Variants in TMTC2 observed in about 807,000 individuals in gnomAD.
TMTC2 encodes the protein protein O-mannosyl-transferase TMTC2.
A neutral mutation model predicts 82.4 loss-of-function variants in TMTC2; 43 were observed. That is an observed-to-expected ratio of 0.52 (90% confidence interval 0.41 to 0.67). TMTC2 has a LOEUF of 0.67. Ranked by LOEUF, TMTC2 falls within the 30% of genes least tolerant of loss-of-function variation. The pLI is 0.00. For missense variants in TMTC2, 919 were observed against 1,012.4 expected (o/e 0.91, Z 1.25); for synonymous variants, 408 against 381.9 (o/e 1.07, Z -0.80).
rs1435081690 is a variant in TMTC2 at position 82,896,473 on chromosome 12, TG to T, written c.1313del (p.Gly438ValfsTer17). On this transcript the variant is annotated frameshift_variant, in exon 3 of 12. Transcript: ENST00000321196. LOFTEE classifies it high-confidence loss of function. ...PSMGFCLLIT[V>X]GARALYVKVQ... ...ATGGGCTTCTGCCTACTGATTACAG[TG>T]GGTGCTAGAGCCCTTTATGTCAAAG... 1 of 1,614,086 alleles carries T rather than the reference TG, an allele frequency of 6.2e-7. No individual in the cohort carries two copies. Among genetic ancestry groups the T allele is most frequent in the African/African-American group, 1.3e-5 (1 of 74,922 alleles).
chr12:82,821,980 T>G (rs1199122472), intron 1 of TMTC2, among the ~76,000 whole-genome samples: 6 of 152,032 alleles, frequency 3.9e-5, no homozygotes, highest in Non-Finnish European at 7.3e-5. Flanking sequence ...GGAGTATTAT[T>G]CAGTGCTACA....
intron 11 of TMTC2, among the ~76,000 whole-genome samples, chr12:83,095,237 T>TG (rs370740795): frequency 2.8e-4 from 41 of 147,098 alleles, no homozygotes; most frequent in African/African-American, 1.0e-3. Flanking sequence ...TTTGTTTTTT[T>TG]TTTTGTTTTT....
intron 11 of TMTC2, among the ~76,000 whole-genome samples, chr12:83,081,085 C>T (rs1883449748): frequency 6.6e-6 from 1 of 152,130 alleles, no homozygotes; most frequent in African/African-American, 2.4e-5. Flanking sequence ...TTAATTGTTA[C>T]ATCATTTTTA....
At chr12:82,835,661 T>A (rs1250231737) in intron 1 of TMTC2, among the ~76,000 whole-genome samples, 1 of 152,206 alleles carries the variant, frequency 6.6e-6, no homozygotes. Context: ...GATTTTTATT[T>A]ACCTGATTAT....
At chr12:83,059,462 A>G (rs1014851899) in intron 10 of TMTC2, among the ~76,000 whole-genome samples, 1 of 151,784 alleles carries the variant, frequency 6.6e-6, no homozygotes, top group Non-Finnish European at 1.5e-5. Flanking sequence ...CCATAAACAC[A>G]TGCTGATTAG....
intron 10 of TMTC2, among the ~76,000 whole-genome samples, chr12:83,051,586 T>C (rs569351342): frequency 4.6e-5 from 7 of 152,272 alleles, no homozygotes; most frequent in African/African-American, 1.7e-4. Flanking sequence ...ATTATGTCAG[T>C]AAACTGCATC....
At chr12:82,955,951 G>A (rs536479496) in intron 4 of TMTC2, among the ~76,000 whole-genome samples, 6 of 151,812 alleles carry the variant, frequency 4.0e-5, no homozygotes, top group South Asian at 4.2e-4. Flanking sequence ...CCCCCAAAAG[G>A]CACTTTAAAT....
chr12:83,125,783 A>T (rs1317968403), intron 11 of TMTC2, among the ~76,000 whole-genome samples: 1 of 152,162 alleles, frequency 6.6e-6, no homozygotes, highest in Non-Finnish European at 1.5e-5. Context: ...TATTTTTGCA[A>T]CTTTCAATTC....
At chr12:82,888,806 A>G (rs1393431482) in intron 2 of TMTC2, among the ~76,000 whole-genome samples, 1 of 152,168 alleles carries the variant, frequency 6.6e-6, no homozygotes, top group Non-Finnish European at 1.5e-5. Flanking sequence ...GTGTTTTGAT[A>G]TTGTATATCC....
intron 1 of TMTC2, among the ~76,000 whole-genome samples, chr12:82,851,261 C>G (rs1031940322): frequency 6.6e-6 from 1 of 152,026 alleles, no homozygotes; most frequent in Non-Finnish European, 1.5e-5. Flanking sequence ...GAAACCCCAT[C>G]TCTACTAAAA....
intron 4 of TMTC2, among the ~76,000 whole-genome samples, chr12:82,960,444 C>A (rs1877867506): frequency 6.6e-6 from 1 of 152,016 alleles, no homozygotes; most frequent in African/African-American, 2.4e-5. Context: ...ACTACACAGC[C>A]ATAAAAAGTA....
At chr12:83,046,667 T>C (rs1882149278) in intron 9 of TMTC2, among the ~76,000 whole-genome samples, 1 of 152,174 alleles carries the variant, frequency 6.6e-6, no homozygotes, top group Admixed American at 6.6e-5. Flanking sequence ...GTCTCTGTCT[T>C]GATGGGCTTA....
intron 4 of TMTC2, among the ~76,000 whole-genome samples, chr12:82,934,635 G>A (rs1053282548): frequency 2.0e-5 from 3 of 152,042 alleles, no homozygotes; most frequent in African/African-American, 7.2e-5. Context: ...TCATTGATGG[G>A]CATTTGGGAT....
At chr12:82,723,709 A>C (rs1412975260) in intron 1 of TMTC2, among the ~76,000 whole-genome samples, 1 of 152,144 alleles carries the variant, frequency 6.6e-6, no homozygotes, top group East Asian at 1.9e-4. Flanking sequence ...TTTGGAGCAT[A>C]TTGGATTTTA....
At chr12:83,009,588 C>G (rs980486862) in intron 8 of TMTC2, among the ~76,000 whole-genome samples, 4 of 152,100 alleles carry the variant, frequency 2.6e-5, no homozygotes, top group South Asian at 4.1e-4. Context: ...CTAGTTCTTT[C>G]TTGTAAAAAT....
At chr12:82,889,927 A>G (rs777734892) in intron 2 of TMTC2, among the ~76,000 whole-genome samples, 12 of 151,832 alleles carry the variant, frequency 7.9e-5, no homozygotes, top group Middle Eastern at 3.4e-3. Context: ...AATGCTAAGT[A>G]TCCTTGTATT....
In TMTC2 at chr12:82,879,814, A is replaced by G. The variant is rs368347457; in HGVS notation, c.655-16004A>G. 3.0e-4 allele frequency among the ~76,000 whole-genome samples: 45 copies of G among 152,342 alleles called. 2 individuals carry two copies. The highest frequency in any genetic ancestry group is 1.1e-3 in the African/African-American group (44 of 41,588). ...TGTAAGACACTCTGTAAAATGTTTAATAAACATTCATAATTAGCGTTGCCA... is the reference window on the plus strand; with the variant it reads ...TGTAAGACACTCTGTAAAATGTTTAGTAAACATTCATAATTAGCGTTGCCA... On this transcript the variant is annotated intron_variant, in intron 2 of 11. Transcript: ENST00000321196.
In TMTC2 at chr12:82,842,504, G is replaced by T. The variant is rs137941687; in HGVS notation, c.84-14506G>T. On this transcript the variant is annotated intron_variant, in intron 1 of 11. Transcript: ENST00000321196. ...ACATAGTATATATTGTAGAAATATG[G>T]CTTGTACGTGAAATGTAGTTTTCCT... Among the ~76,000 whole-genome samples, 116 of 152,276 alleles carry T rather than the reference G, an allele frequency of 7.6e-4. 1 individual carries two copies. The highest frequency in any genetic ancestry group is 6.7e-3 in the Admixed American group (102 of 15,298).
At chr12:83,030,755 T>C in intron 8 of TMTC2, 43 bp from the exon 9 acceptor site, 2 of 1,467,674 alleles carry the variant, frequency 1.4e-6, no homozygotes, top group Non-Finnish European at 1.9e-6. Flanking sequence ...GAAGAATCCC[T>C]CATGATCTGT....
Sources: allele counts gnomAD v4.1 joint callset (sites outside exome capture counted in the v4.1 genomes callset), GRCh38; gene constraint gnomAD v4.1.1; transcripts MANE v1.5; gene names NCBI Gene and HGNC (gene_info 2026-07-23, HGNC 2026-07-21).